ZNF521: variants seen among roughly 807,000 people sequenced by gnomAD.
The protein encoded by ZNF521 is LYST-interacting protein 3.
Under a neutral mutation model 105.5 loss-of-function variants are expected in ZNF521, and 14 were observed. That is an observed-to-expected ratio of 0.13 (90% CI 0.09 to 0.21). The LOEUF (loss-of-function observed/expected upper bound fraction) is 0.21. ZNF521 is among the 10% of genes least tolerant of loss of function. The pLI, the probability that ZNF521 is intolerant of heterozygous loss-of-function variation, is 1.00. For missense variants in ZNF521, 1,233 were observed against 1,629.7 expected (o/e 0.76, Z 4.19); for synonymous variants, 635 against 606.0 (o/e 1.05, Z -0.70).
chr18:25,176,113 G>T (rs994989996), intron 5 of ZNF521, among the ~76,000 whole-genome samples: 2 of 152,162 alleles, frequency 1.3e-5, no homozygotes, highest in Non-Finnish European at 2.9e-5. Flanking sequence ...ATTATATACA[G>T]GCATATTTTC....
intron 3 of ZNF521, among the ~76,000 whole-genome samples, chr18:25,271,027 A>G (rs1942446497): frequency 6.6e-6 from 1 of 152,242 alleles, no homozygotes; most frequent in Non-Finnish European, 1.5e-5. Context: ...AGAAAACCCC[A>G]TCGTCTCAGC....
chr18:25,283,159 C>G (rs978372959), intron 3 of ZNF521, among the ~76,000 whole-genome samples: 7 of 152,240 alleles, frequency 4.6e-5, no homozygotes, highest in Non-Finnish European at 8.8e-5. Context: ...CACATATCAA[C>G]AAGCACCTCC....
intron 3 of ZNF521, among the ~76,000 whole-genome samples, chr18:25,238,752 C>T (rs1041550888): frequency 6.6e-6 from 1 of 152,198 alleles, no homozygotes; most frequent in Non-Finnish European, 1.5e-5. Context: ...CCAGATGACA[C>T]AGGGCAGCAT....
At chr18:25,266,569 T>A (rs1321313701) in intron 3 of ZNF521, among the ~76,000 whole-genome samples, 1 of 152,174 alleles carries the variant, frequency 6.6e-6, no homozygotes, top group Non-Finnish European at 1.5e-5. Context: ...TCATTGGGAC[T>A]GCTTGGACAG....
chr18:25,326,990 T>C (rs1765762128), intron 2 of ZNF521, among the ~76,000 whole-genome samples: 1 of 152,014 alleles, frequency 6.6e-6, no homozygotes, highest in South Asian at 2.1e-4. Flanking sequence ...TTCAAGAAAC[T>C]ACCAACTAAA....
chr18:25,177,595 AC>A (rs1235103745), intron 5 of ZNF521, among the ~76,000 whole-genome samples: 2 of 151,968 alleles, frequency 1.3e-5, no homozygotes, highest in Non-Finnish European at 2.9e-5. Context: ...CTACATGCAC[AC>A]CTAGTAAGCA....
intron 4 of ZNF521, among the ~76,000 whole-genome samples, chr18:25,207,282 C>A (rs2036098519): frequency 6.6e-6 from 1 of 152,152 alleles, no homozygotes; most frequent in South Asian, 2.1e-4. Flanking sequence ...CCTAGGACCC[C>A]AGACTGCCAT....
chr18:25,254,305 T>C (rs898257636), intron 3 of ZNF521, among the ~76,000 whole-genome samples: 1 of 152,118 alleles, frequency 6.6e-6, no homozygotes, highest in Non-Finnish European at 1.5e-5. Context: ...TAGAAGCATG[T>C]ACACTATCTA....
intron 5 of ZNF521, among the ~76,000 whole-genome samples, chr18:25,187,258 A>G (rs1482844373): frequency 6.6e-6 from 1 of 152,184 alleles, no homozygotes; most frequent in East Asian, 1.9e-4. Flanking sequence ...TAAAAGATGT[A>G]GTTCCCCAAA....
In ZNF521 at chr18:25,299,466, C is replaced by T. The variant is rs576540166; in HGVS notation, c.220+22542G>A. ...AAAATTCAAGATTATGGTAACTATG[C>T]AGTACTCTCATTAGGAGACAAATAC... On this transcript the variant is annotated intron_variant, in intron 3 of 7. Coordinates refer to ENST00000361524, the MANE Select transcript of ZNF521 (RefSeq NM_015461.3). Among the ~76,000 whole-genome samples the T allele has an allele frequency of 3.3e-5, 5 of 152,260 alleles. No homozygotes were observed. In the East Asian group the frequency reaches 5.8e-4, roughly 18 times the overall value.
chr18:25,148,452 A>G (rs561163644), intron 5 of ZNF521, among the ~76,000 whole-genome samples: 1 of 152,286 alleles, frequency 6.6e-6, no homozygotes, highest in African/African-American at 2.4e-5. Flanking sequence ...TAAAAAAATT[A>G]AAGTTTCTGT....
chr18:25,346,988 T>C (rs541022434), intron 2 of ZNF521, among the ~76,000 whole-genome samples: 1 of 152,306 alleles, frequency 6.6e-6, no homozygotes, highest in South Asian at 2.1e-4. Context: ...CAGTGCTTTT[T>C]GGAGTAAATT....
intron 5 of ZNF521, among the ~76,000 whole-genome samples, chr18:25,136,401 A>G (rs1168821201): frequency 6.6e-6 from 1 of 152,210 alleles, no homozygotes; most frequent in African/African-American, 2.4e-5. Context: ...CACAACAATA[A>G]TAACAACAAT....
chr18:25,250,726 CA>C (rs1290738763), intron 3 of ZNF521, among the ~76,000 whole-genome samples: 1 of 152,188 alleles, frequency 6.6e-6, no homozygotes, highest in Non-Finnish European at 1.5e-5. Flanking sequence ...ACACATTTTA[CA>C]GGCTTTGGCT....
intron 2 of ZNF521, among the ~76,000 whole-genome samples, chr18:25,349,206 C>T (rs561458730): frequency 4.1e-4 from 63 of 152,280 alleles, no homozygotes; most frequent in African/African-American, 1.5e-3. Context: ...AGAGGTTTGT[C>T]CTGGTACTTC....
At chr18:25,205,524 TG>T (rs1291433411) in intron 4 of ZNF521, among the ~76,000 whole-genome samples, 4 of 152,176 alleles carry the variant, frequency 2.6e-5, no homozygotes, top group Non-Finnish European at 4.4e-5. Context: ...TCTGTTTCAC[TG>T]TTACCAAAAT....
At chr18:25,128,632 A>G (rs779222616) in intron 5 of ZNF521, among the ~76,000 whole-genome samples, 1 of 152,042 alleles carries the variant, frequency 6.6e-6, no homozygotes, top group Admixed American at 6.6e-5. Context: ...AGGTTGATAT[A>G]CAAGTCAACT....
At chr18:25,334,632 G>A (rs1248646807) in intron 2 of ZNF521, among the ~76,000 whole-genome samples, 1 of 152,170 alleles carries the variant, frequency 6.6e-6, no homozygotes, top group Non-Finnish European at 1.5e-5. Flanking sequence ...ACCTTTTATT[G>A]TAGATAATGG....
At chr18:25,183,859 A>G (rs930544172) in intron 5 of ZNF521, among the ~76,000 whole-genome samples, 4 of 152,104 alleles carry the variant, frequency 2.6e-5, no homozygotes, top group African/African-American at 9.7e-5. Flanking sequence ...AACCTATTTG[A>G]TTTTACTGTT....
Sources: gnomAD v4.1 joint callset for allele counts (sites outside exome capture counted in the v4.1 genomes callset) on GRCh38, gnomAD v4.1.1 for gene constraint, MANE v1.5 for transcripts, NCBI Gene and HGNC (gene_info 2026-07-23, HGNC 2026-07-21) for gene names.